CSMD3: variants seen among roughly 807,000 people sequenced by gnomAD.
The protein encoded by CSMD3 is CUB and sushi domain-containing protein 3.
Under a neutral mutation model 435.2 loss-of-function variants are expected in CSMD3, and 177 were observed. That is an observed-to-expected ratio of 0.41 (90% CI 0.36 to 0.46). The LOEUF (loss-of-function observed/expected upper bound fraction) is 0.46, where lower values mean the gene tolerates loss of function less well. Ranked by LOEUF, CSMD3 falls within the 20% of genes least tolerant of loss-of-function variation. The pLI is 0.34. For missense variants in CSMD3, 4,265 were observed against 4,504.6 expected (o/e 0.95, Z 1.52); for synonymous variants, 1,656 against 1,520.5 (o/e 1.09, Z -2.07).
chr8:113,004,021 A>C (rs775880965), intron 6 of CSMD3, among the ~76,000 whole-genome samples: 3 of 152,132 alleles, frequency 2.0e-5, no homozygotes, highest in Non-Finnish European at 4.4e-5. Flanking sequence ...GATAAAATTT[A>C]TTTAGAAAGG....
intron 58 of CSMD3, among the ~76,000 whole-genome samples, chr8:112,285,277 C>T (rs1219469140): frequency 6.6e-6 from 1 of 151,808 alleles, no homozygotes; most frequent in Non-Finnish European, 1.5e-5. Flanking sequence ...ATAATGATGC[C>T]CACAGCATCA....
rs575401715 is a variant in CSMD3 at position 112,224,945 on chromosome 8, A to T, written c.10965-15T>A. ...TAGGTGCAGTCCTGTTGATGAGAAC[A>T]TTGATTAGCTATGTGTTAACTTTCT... is the stretch of plus-strand genomic sequence containing the variant. On this transcript the variant is annotated splice_polypyrimidine_tract_variant and intron_variant, in intron 70 of 70. Coordinates refer to ENST00000297405, the MANE Select transcript of CSMD3 (RefSeq NM_198123.2). 6.2e-7 allele frequency: 1 copy of T among 1,613,076 alleles called. No individual in the cohort carries two copies. Among genetic ancestry groups the T allele is most frequent in the Non-Finnish European group, 8.5e-7 (1 of 1,179,024 alleles).
chr8:113,405,379 A>AATGTGAAT, intron 1 of CSMD3, among the ~76,000 whole-genome samples: 1 of 151,686 alleles, frequency 6.6e-6, no homozygotes, highest in East Asian at 1.9e-4. Context: ...TAACCAATAA[A>AATGTGAAT]ATGTGAATCA....
chr8:113,064,461 A>C (rs1379707071), intron 5 of CSMD3, among the ~76,000 whole-genome samples: 2 of 152,148 alleles, frequency 1.3e-5, no homozygotes, highest in Non-Finnish European at 2.9e-5. Flanking sequence ...ATTATGCAAA[A>C]CTTGGGGTTT....
chr8:112,810,796 C>T (rs1294201487), intron 12 of CSMD3, among the ~76,000 whole-genome samples: 1 of 151,892 alleles, frequency 6.6e-6, no homozygotes, highest in Non-Finnish European at 1.5e-5. Context: ...TTTGGCCCTC[C>T]AAAAAATATT....
At chr8:113,352,432 T>A (rs2132921379) in intron 1 of CSMD3, among the ~76,000 whole-genome samples, 1 of 152,160 alleles carries the variant, frequency 6.6e-6, no homozygotes. Context: ...AGCACGCCCT[T>A]GCTAACATCT....
intron 45 of CSMD3, among the ~76,000 whole-genome samples, chr8:112,334,075 CG>C (rs1563802927): frequency 6.6e-6 from 1 of 151,874 alleles, no homozygotes; most frequent in Non-Finnish European, 1.5e-5. Flanking sequence ...AAAAAACAGC[CG>C]GAATAAAAGT....
chr8:112,441,386 C>A (rs1235220282), intron 32 of CSMD3, among the ~76,000 whole-genome samples: 5 of 152,148 alleles, frequency 3.3e-5, no homozygotes, highest in African/African-American at 1.2e-4. Context: ...GTATTCTGAG[C>A]CTTCCCAGTT....
intron 1 of CSMD3, among the ~76,000 whole-genome samples, chr8:113,337,280 T>A (rs548150217): frequency 1.3e-5 from 2 of 152,202 alleles, no homozygotes; most frequent in South Asian, 4.1e-4. Context: ...CATAGAGGGT[T>A]TTTAGTTGTT....
At chr8:112,712,665 T>C (rs577064395) in intron 13 of CSMD3, among the ~76,000 whole-genome samples, 1 of 152,280 alleles carries the variant, frequency 6.6e-6, no homozygotes, top group Non-Finnish European at 1.5e-5. Context: ...AAGACATTTG[T>C]GCCTTGTAGT....
chr8:112,531,447 T>C (rs191783610), intron 27 of CSMD3, among the ~76,000 whole-genome samples: 12 of 152,222 alleles, frequency 7.9e-5, no homozygotes, highest in Non-Finnish European at 1.3e-4. Flanking sequence ...TGGGTGCCAG[T>C]TACAACAGCC....
intron 55 of CSMD3, 28 bp from the exon 56 acceptor site, chr8:112,291,723 A>G: frequency 6.8e-7 from 1 of 1,472,060 alleles, no homozygotes; most frequent in Non-Finnish European, 9.5e-7. Context: ...TTTGAAACAT[A>G]TGTTTGGAAT....
intron 12 of CSMD3, among the ~76,000 whole-genome samples, chr8:112,812,607 C>CCT (rs2079257793): frequency 6.6e-6 from 1 of 152,162 alleles, no homozygotes; most frequent in Non-Finnish European, 1.5e-5. Context: ...CTGCTTTATG[C>CCT]CTCTCTGTTG....
intron 13 of CSMD3, among the ~76,000 whole-genome samples, chr8:112,699,135 GC>G (rs1166693140): frequency 6.6e-6 from 1 of 152,086 alleles, no homozygotes; most frequent in Admixed American, 6.6e-5. Context: ...CCCCTTCCAT[GC>G]TGTGGAAGCT....
At chr8:113,125,728 T>C (rs569404597) in intron 4 of CSMD3, among the ~76,000 whole-genome samples, 2 of 152,044 alleles carry the variant, frequency 1.3e-5, no homozygotes, top group Admixed American at 6.6e-5. Context: ...AGACTGAGCA[T>C]TGGATATTGG....
chr8:113,067,145 G>C (rs757110857), intron 5 of CSMD3, among the ~76,000 whole-genome samples: 1 of 152,062 alleles, frequency 6.6e-6, no homozygotes, highest in Non-Finnish European at 1.5e-5. Flanking sequence ...ATGGAAAATG[G>C]TGAAATGGAA....
intron 32 of CSMD3, among the ~76,000 whole-genome samples, chr8:112,412,604 A>G (rs553510273): frequency 7.9e-5 from 12 of 152,288 alleles, no homozygotes; most frequent in Non-Finnish European, 1.5e-4. Flanking sequence ...CAATTTTTAT[A>G]GTGGTATATA....
chr8:113,360,322 AAC>A (rs536782230), intron 1 of CSMD3, among the ~76,000 whole-genome samples: 107 of 152,216 alleles, frequency 7.0e-4, no homozygotes, highest in Admixed American at 2.0e-3. Context: ...TAGCCTCTAT[AAC>A]ACTATATTTT....
intron 28 of CSMD3, among the ~76,000 whole-genome samples, chr8:112,511,950 C>G (rs1193231882): frequency 6.6e-6 from 1 of 152,160 alleles, no homozygotes. Flanking sequence ...TAAGAAGCAA[C>G]TCCTCATTCG....
Sources: gnomAD v4.1 joint callset for allele counts (sites outside exome capture counted in the v4.1 genomes callset) on GRCh38, gnomAD v4.1.1 for gene constraint, MANE v1.5 for transcripts, NCBI Gene and HGNC (gene_info 2026-07-23, HGNC 2026-07-21) for gene names.